EPB41L1: variants seen among roughly 807,000 people sequenced by gnomAD.
EPB41L1 encodes band 4.1-like protein 1.
EPB41L1 carries 29 observed loss-of-function variants against 97.8 expected under a neutral mutation model. The observed-to-expected ratio is 0.30, with a 90% confidence interval of 0.22 to 0.40. The LOEUF (loss-of-function observed/expected upper bound fraction) is 0.40. Among genes scored for constraint, EPB41L1 ranks in the 10% least tolerant of loss-of-function variants. The pLI is 1.00. For missense variants in EPB41L1, 812 were observed against 1,162.3 expected, an observed-to-expected ratio of 0.70 and a Z score of 4.38; for synonymous variants, 383 against 459.2, an observed-to-expected ratio of 0.83 and a Z score of 2.12.
chr20:36,145,438 T>C (rs1340016234), intron 2 of EPB41L1, among the ~76,000 whole-genome samples: 1 of 151,560 alleles, frequency 6.6e-6, no homozygotes, highest in Non-Finnish European at 1.5e-5. Flanking sequence ...TTGCTGGTGT[T>C]CCAGGGACCA....
At chr20:36,100,594 G>A (rs528210032) in intron 1 of EPB41L1, among the ~76,000 whole-genome samples, 2 of 152,256 alleles carry the variant, frequency 1.3e-5, no homozygotes, top group South Asian at 2.1e-4. Flanking sequence ...GATCCCCGTC[G>A]TATTACAGGA....
At chr20:36,188,637 CACACAGAGAGAGAGAG>C in intron 9 of EPB41L1, 138 bp downstream of exon 9, 1 of 465,220 alleles carries the variant, frequency 2.1e-6, no homozygotes, top group Non-Finnish European at 3.3e-6. Context: ...CACACACACA[CACACAGAGAGAGAGAG>C]AGAGAGAGAG....
At chr20:36,140,169 C>T (rs2059583634) in intron 2 of EPB41L1, among the ~76,000 whole-genome samples, 1 of 152,012 alleles carries the variant, frequency 6.6e-6, no homozygotes, top group Admixed American at 6.6e-5. Flanking sequence ...ATTCTTGTGC[C>T]TCAGCCTCCT....
intron 14 of EPB41L1, chr20:36,201,100 G>A (rs527521518): frequency 7.6e-6 from 3 of 393,968 alleles, no homozygotes; most frequent in Admixed American, 5.6e-5. Flanking sequence ...GCAGTTGGAA[G>A]CAATGGGTAA....
intron 19 of EPB41L1, among the ~76,000 whole-genome samples, chr20:36,221,499 C>T (rs1027297817): frequency 3.9e-5 from 6 of 152,190 alleles, no homozygotes; most frequent in African/African-American, 1.2e-4. Flanking sequence ...AACAAGGCCA[C>T]AGACATACAT....
chr20:36,220,728 G>A (rs1363776161), intron 19 of EPB41L1, among the ~76,000 whole-genome samples: 1 of 152,122 alleles, frequency 6.6e-6, no homozygotes, highest in East Asian at 1.9e-4. Flanking sequence ...GGCAGCAAGA[G>A]GTAGGGGCAA....
At chr20:36,119,702 G>C (rs2058693375) in intron 2 of EPB41L1, among the ~76,000 whole-genome samples, 1 of 151,872 alleles carries the variant, frequency 6.6e-6, no homozygotes, top group Non-Finnish European at 1.5e-5. Flanking sequence ...AAAGGGACAA[G>C]GTGGGCAGGG....
At chr20:36,116,842 C>T (rs997536046) in intron 2 of EPB41L1, among the ~76,000 whole-genome samples, 1 of 152,204 alleles carries the variant, frequency 6.6e-6, no homozygotes, top group Admixed American at 6.5e-5. Context: ...CTCCAAACAA[C>T]ACAGGTGGGA....
chr20:36,218,654 A>C (rs2063583003), intron 17 of EPB41L1, among the ~76,000 whole-genome samples: 1 of 152,202 alleles, frequency 6.6e-6, no homozygotes. Context: ...ACAGTCTGTA[A>C]ATGTTTGTTG....
chr20:36,195,815 C>G lies in EPB41L1; in HGVS notation c.1485+451C>G, dbSNP rs891371045. Among the ~76,000 whole-genome samples, 1 of 152,196 alleles carries G rather than the reference C, an allele frequency of 6.6e-6. No individual in the cohort carries two copies. The highest frequency in any genetic ancestry group is 1.5e-5 in the Non-Finnish European group (1 of 68,036). On this transcript the variant is annotated intron_variant, in intron 13 of 21. Coordinates refer to ENST00000338074, the MANE Select transcript of EPB41L1 (RefSeq NM_012156.2). This position sits in a 1 kb window ranked among gnomAD's most constrained non-coding sequence, Gnocchi z 4.6. The stretch of plus-strand genomic sequence containing the variant: ...CTCGTCTGTGTCCCCTGTGTCCTCA[C>G]CCCTAGCTTCTTTTTGTATCTATTG...
At chr20:36,223,100 G>A (rs952733687) in intron 21 of EPB41L1, among the ~76,000 whole-genome samples, 4 of 152,206 alleles carry the variant, frequency 2.6e-5, no homozygotes, top group African/African-American at 9.7e-5. Flanking sequence ...GTTTCACCGT[G>A]TTAGCCAGGA....
chr20:36,105,399 G>A (rs2147532059), intron 1 of EPB41L1, among the ~76,000 whole-genome samples: 1 of 152,270 alleles, frequency 6.6e-6, no homozygotes, highest in East Asian at 1.9e-4. Context: ...GGTCAAAGGG[G>A]TCAAGGAGGT....
intron 11 of EPB41L1, 117 bp from the exon 12 acceptor site, chr20:36,194,095 A>T (rs1347236092): frequency 4.5e-6 from 6 of 1,347,200 alleles, no homozygotes; most frequent in Non-Finnish European, 6.3e-6. Flanking sequence ...GCAATGGGTG[A>T]GGGGTGTGGA....
intron 1 of EPB41L1, among the ~76,000 whole-genome samples, chr20:36,168,394 C>T (rs2060827529): frequency 6.6e-6 from 1 of 152,188 alleles, no homozygotes; most frequent in Admixed American, 6.5e-5. Context: ...CTGTTAGAAA[C>T]ATCTCTTTTT....
At chr20:36,153,582 C>T (rs1327789717), upstream of EPB41L1, among the ~76,000 whole-genome samples, 1 of 152,128 alleles carries the variant, frequency 6.6e-6, no homozygotes, top group African/African-American at 2.4e-5. Context: ...GACCCATGGA[C>T]AGAAATCTTT....
intron 2 of EPB41L1, among the ~76,000 whole-genome samples, chr20:36,124,654 A>T (rs1427513924): frequency 6.6e-6 from 1 of 151,908 alleles, no homozygotes; most frequent in African/African-American, 2.4e-5. Context: ...CCACCTCTTG[A>T]TTCCTTCATA....
At position 36,177,963 on chromosome 20, in the gene EPB41L1, G is replaced by A; in HGVS notation, c.354G>A (p.Arg118=). The A allele has an allele frequency of 6.2e-7, 1 of 1,614,040 alleles. No individual in the cohort carries two copies. Among genetic ancestry groups the A allele is most frequent in the Non-Finnish European group, 8.5e-7 (1 of 1,179,898 alleles). ...EYECEVEKHG[R]GQVLFDLVCE... Reference sequence around the variant, plus strand: ...GCTTCCCTCCTTAGAAACATGGCCGGGGCCAGGTGCTGTTTGACCTGGTCT... The same window carrying A: ...GCTTCCCTCCTTAGAAACATGGCCGAGGCCAGGTGCTGTTTGACCTGGTCT... Residue 118 remains arginine, a synonymous_variant, in exon 4 of 22, where the codon CGG becomes CGA. Transcript: ENST00000338074.
At chr20:36,181,174 G>A (rs948933757) in intron 5 of EPB41L1, among the ~76,000 whole-genome samples, 1 of 152,216 alleles carries the variant, frequency 6.6e-6, no homozygotes, top group East Asian at 1.9e-4. Context: ...CATGACCACA[G>A]CCCTGCCATG....
chr20:36,190,841 G>A lies in EPB41L1; in HGVS notation c.1300+44G>A, dbSNP rs2061916380. 6.2e-7 allele frequency: 1 copy of A among 1,605,808 alleles called. No individual in the cohort carries two copies. Among genetic ancestry groups the A allele is most frequent in the Non-Finnish European group, 8.5e-7 (1 of 1,178,716 alleles). On this transcript the variant is annotated intron_variant, in intron 11 of 21. Transcript: ENST00000338074. This position sits in a 1 kb window ranked among gnomAD's most constrained non-coding sequence, Gnocchi z 5.8. The stretch of plus-strand genomic sequence containing the variant: ...GGCTGGGCGGGGAATGGTCTTCAGA[G>A]GGAACTGGGGGAGTGGGCATGCTGG...
Sources: gnomAD v4.1 joint callset for allele counts (sites outside exome capture counted in the v4.1 genomes callset) on GRCh38, gnomAD v4.1.1 for gene constraint, Gnocchi (gnomAD v3.1) non-coding constraint, MANE v1.5 for transcripts, NCBI Gene and HGNC (gene_info 2026-07-23, HGNC 2026-07-21) for gene names.